PHC3: variants seen among roughly 807,000 people sequenced by gnomAD.
The protein encoded by PHC3 is polyhomeotic-like protein 3.
PHC3 carries 13 observed loss-of-function variants against 107.4 expected under a neutral mutation model. The ratio of observed to expected loss-of-function variants is 0.12; its 90% CI spans 0.08 to 0.19. PHC3 has a LOEUF of 0.19. Among genes scored for constraint, PHC3 ranks in the 10% least tolerant of loss-of-function variants. The probability of loss-of-function intolerance (pLI) is 1.00; values close to 1 mark genes in which losing one functional copy is unlikely to be tolerated. For missense variants in PHC3, 992 were observed against 1,210.9 expected (o/e 0.82, Z 2.68); for synonymous variants, 456 against 427.4 (o/e 1.07, Z -0.83).
intron 9 of PHC3, among the ~76,000 whole-genome samples, chr3:170,122,244 C>T (rs750157699): frequency 2.0e-5 from 3 of 152,092 alleles, no homozygotes; most frequent in Non-Finnish European, 2.9e-5. Flanking sequence ...CAAAAAACAA[C>T]CTTAAACTCA....
Position 170,178,764 on chromosome 3 carries a change from C to A in PHC3, c.180+9G>T. The A allele has an allele frequency of 6.2e-7, 1 of 1,613,598 alleles. No homozygotes were observed. ...AGTCTTAGACTACCCATCACTACAG[C>A]TGAAATACCTGTACAGCATGTCGGT... On this transcript the variant is annotated intron_variant, in intron 2 of 14. Transcript: ENST00000495893.
At chr3:170,104,331 G>C (rs901692602) in intron 12 of PHC3, among the ~76,000 whole-genome samples, 1 of 152,088 alleles carries the variant, frequency 6.6e-6, no homozygotes, top group East Asian at 1.9e-4. Flanking sequence ...AGAAAGAAGA[G>C]TGAGAAGAAA....
At position 170,092,512 on chromosome 3, in the gene PHC3, A is replaced by C. The variant is rs1429206551; in HGVS notation, c.*4718T>G. 2 of 152,190 alleles carry C rather than the reference A, an allele frequency of 1.3e-5. No individual in the cohort carries two copies. The highest frequency in any genetic ancestry group is 1.5e-5 in the Non-Finnish European group (1 of 68,034). The allele number at this position is 152,190 out of a possible 1,614,324, so 9.4% of individuals were successfully genotyped here. ...TGATCCACACTGCTGTGAACCAAAG[A>C]AGCAGAGGTAGGCTTGTGTTTACTG... On this transcript the variant is annotated 3_prime_UTR_variant, in exon 15 of 15. Transcript: ENST00000495893.
rs765216982 is a variant in PHC3, at chr3:170,149,208, T to C, written c.451A>G (p.Ile151Val). Residue 151 changes from isoleucine to valine, a missense_variant, in exon 5 of 15, where the codon ATA becomes GTA. Ile to Val is a conservative substitution (Grantham distance 29). Around this residue, in one of 6 missense-constraint regions of PHC3, gnomAD observed 161 missense variants for 183.7 expected, o/e 0.88. Coordinates refer to ENST00000495893, the MANE Select transcript of PHC3 (RefSeq NM_024947.4). ...LSTSPTPAQL[I>V]SRSQASSSTS... is the part of the protein sequence containing the mutation. ...GAACTGGAAGCCTGGGAACGGCTTA[T>C]TAACTGTGCAGGTGTAGGAGAAGTG... 6.2e-7 allele frequency: 1 copy of C among 1,613,100 alleles called. No homozygotes were observed. The highest frequency in any genetic ancestry group is 1.1e-5 in the South Asian group (1 of 90,982).
rs530921989 is a variant in PHC3 at position 170,155,438 on chromosome 3, T to C, written c.415-6194A>G. On this transcript the variant is annotated intron_variant, in intron 4 of 14. Transcript: ENST00000495893. ...AATGTGAAAAACATGTTAAGAAAGA[T>C]GGCCAGGCATAGTGGCTCATGCCAG... 7.2e-5 allele frequency among the ~76,000 whole-genome samples: 11 copies of C among 152,268 alleles called. 1 individual carries two copies. The highest frequency in any genetic ancestry group is 6.2e-4 in the South Asian group (3 of 4,830).
intron 9 of PHC3, among the ~76,000 whole-genome samples, chr3:170,119,284 G>T (rs953540192): frequency 6.6e-6 from 1 of 152,074 alleles, no homozygotes; most frequent in African/African-American, 2.4e-5. Context: ...AATCTATGGA[G>T]AACTGAAACC....
rs542844971 is a variant in PHC3 at position 170,132,525 on chromosome 3, C to CA, written c.920-2974dup. ...GTCATAGGGTGGGGCCCTGACATGA[C>CA]ATGGTTTGTGCCCTTTTAAGAAAAG... On this transcript the variant is annotated intron_variant, in intron 7 of 14. Coordinates refer to ENST00000495893, the MANE Select transcript of PHC3 (RefSeq NM_024947.4). 8.5e-5 allele frequency among the ~76,000 whole-genome samples: 13 copies of CA among 152,310 alleles called. No individual in the cohort carries two copies. The East Asian group carries it at 2.3e-3, about 27-fold the overall frequency.
chr3:170,106,793 T>TA, intron 12 of PHC3, 39 bp downstream of exon 12: 1 of 1,503,752 alleles, frequency 6.7e-7, no homozygotes, highest in Non-Finnish European at 9.1e-7. Flanking sequence ...GCAATGGCTA[T>TA]TTATCTGTCC....
At chr3:170,104,239 A>C (rs568436203) in intron 12 of PHC3, among the ~76,000 whole-genome samples, 46 of 152,082 alleles carry the variant, frequency 3.0e-4, no homozygotes, top group Non-Finnish European at 6.0e-4. Context: ...AAAATTTCAA[A>C]ATCATCCTTA....
chr3:170,135,847 C>G (rs141616569), intron 7 of PHC3, among the ~76,000 whole-genome samples: 162 of 152,094 alleles, frequency 1.1e-3, no homozygotes, highest in Non-Finnish European at 1.7e-3. Context: ...AGTATGAGAA[C>G]CATGAGGCAA....
chr3:170,111,847 C>T (rs971076846), intron 11 of PHC3, among the ~76,000 whole-genome samples: 2 of 151,882 alleles, frequency 1.3e-5, no homozygotes, highest in East Asian at 1.9e-4. Flanking sequence ...CATGCTATTT[C>T]GCTTAATTTA....
In PHC3 at chr3:170,087,707, C is replaced by A. The variant is rs774893872; in HGVS notation, c.*9523G>T. The A allele has an allele frequency of 2.0e-5, 3 of 152,140 alleles. No homozygotes were observed. Among genetic ancestry groups the A allele is most frequent in the Admixed American group, 1.3e-4 (2 of 15,282 alleles). The allele number at this position is 152,140 out of a possible 1,614,324, so 9.4% of individuals were successfully genotyped here. On this transcript the variant is annotated 3_prime_UTR_variant, in exon 15 of 15. Coordinates refer to ENST00000495893, the MANE Select transcript of PHC3 (RefSeq NM_024947.4). ...CCCACTAATCTTCCATCCAGACCCA[C>A]ATGAAGCAATGTTACAACAATATTC...
At chr3:170,160,431 C>CT (rs1727699651) in intron 4 of PHC3, among the ~76,000 whole-genome samples, 1 of 152,164 alleles carries the variant, frequency 6.6e-6, no homozygotes, top group Non-Finnish European at 1.5e-5. Flanking sequence ...AGGGAAGAAA[C>CT]TTTGACTTAC....
Position 170,149,212 on chromosome 3 carries a change from C to T in PHC3, c.447G>A (p.Gln149=), listed in dbSNP as rs1372926333. ...TGGAAGCCTGGGAACGGCTTATTAA[C>T]TGTGCAGGTGTAGGAGAAGTGGAGA... ...INLSTSPTPA[Q]LISRSQASSS... Residue 149 remains glutamine (Q), a synonymous_variant, in exon 5 of 15, where the codon CAG becomes CAA. Transcript: ENST00000495893. 1 of 1,612,974 alleles carries T rather than the reference C, an allele frequency of 6.2e-7. No homozygotes were observed. Among genetic ancestry groups the T allele is most frequent in the South Asian group, 1.1e-5 (1 of 90,970 alleles).
At chr3:170,152,673 T>A (rs1355665353) in intron 4 of PHC3, among the ~76,000 whole-genome samples, 1 of 151,826 alleles carries the variant, frequency 6.6e-6, no homozygotes, top group Admixed American at 6.6e-5. Flanking sequence ...TCTTCTTTTT[T>A]TTTTTGAGAC....
rs1166261218 is a variant in PHC3 at position 170,117,152 on chromosome 3, G to A, written c.2193+74C>T. ...ATAAAATTACAAGCTTTTTATTAGA[G>A]AACAGTAATATGTAACTTTTAAAAT... is the stretch of plus-strand genomic sequence containing the variant. On this transcript the variant is annotated intron_variant, in intron 10 of 14. Transcript: ENST00000495893. 3.9e-6 allele frequency: 6 copies of A among 1,553,794 alleles called. No individual in the cohort carries two copies. In the East Asian group the frequency reaches 9.1e-5, roughly 23 times the overall value.
Position 170,136,673 on chromosome 3 carries a change from C to T in PHC3, c.673-8G>A, listed in dbSNP as rs184937954. On this transcript the variant is annotated splice_region_variant and splice_polypyrimidine_tract_variant and intron_variant, in intron 6 of 14. Coordinates refer to ENST00000495893, the MANE Select transcript of PHC3 (RefSeq NM_024947.4). Reference sequence around the variant, plus strand: ...TAATGTTAAATTCTGAACCTAAGAACCACATAACAGAAAATTAGGATGAAA... The same window carrying T: ...TAATGTTAAATTCTGAACCTAAGAATCACATAACAGAAAATTAGGATGAAA... 1 of 1,611,606 alleles carries T rather than the reference C, an allele frequency of 6.2e-7. No homozygotes were observed. Among genetic ancestry groups the T allele is most frequent in the Non-Finnish European group, 8.5e-7 (1 of 1,178,754 alleles).
Position 170,097,517 on chromosome 3 carries a change from T to G in PHC3, c.2834-133A>C. On this transcript the variant is annotated intron_variant, in intron 14 of 14. Coordinates refer to ENST00000495893, the MANE Select transcript of PHC3 (RefSeq NM_024947.4). This position sits in a 1 kb window ranked among gnomAD's most constrained non-coding sequence, Gnocchi z 4.1. ...GGCTGAGAAACAAATGAAATTTATT[T>G]ATGGTAGTCTTGAGTTCACTCTTGA... is the stretch of plus-strand genomic sequence containing the variant. The G allele has an allele frequency of 1.2e-6, 1 of 859,728 alleles. No homozygotes were observed. Among genetic ancestry groups the G allele is most frequent in the Non-Finnish European group, 1.7e-6 (1 of 602,680 alleles). The allele number at this position is 859,728 out of a possible 1,614,324, so 53.3% of individuals were successfully genotyped here. A position where few individuals can be genotyped will look rare whatever the true frequency, so the allele number is the denominator to read the frequency against.
At chr3:170,163,459 AGAGT>A (rs1305907434) in intron 4 of PHC3, among the ~76,000 whole-genome samples, 3 of 84,548 alleles carry the variant, frequency 3.5e-5, no homozygotes, top group African/African-American at 1.4e-4. Flanking sequence ...TATTTAGTAA[AGAGT>A]GTGTGTGTGT....
Sources: gnomAD v4.1 joint callset for allele counts (sites outside exome capture counted in the v4.1 genomes callset) on GRCh38, gnomAD v4.1.1 for gene constraint, gnomAD v4.1.1 regional missense constraint, Gnocchi (gnomAD v3.1) non-coding constraint, MANE v1.5 for transcripts, NCBI Gene and HGNC (gene_info 2026-07-23, HGNC 2026-07-21) for gene names.